NLGN1: variants seen among roughly 807,000 people sequenced by gnomAD.
The protein encoded by NLGN1 is neuroligin 1.
In NLGN1, 12 loss-of-function variants were observed where a neutral mutation model predicts 65.5. That is an observed-to-expected ratio of 0.18 (90% confidence interval 0.12 to 0.30). The LOEUF (loss-of-function observed/expected upper bound fraction) is 0.30, where lower values mean the gene tolerates loss of function less well. Ranked by LOEUF, NLGN1 falls within the 10% of genes least tolerant of loss-of-function variation. The probability of loss-of-function intolerance (pLI) is 1.00; values close to 1 mark genes in which losing one functional copy is unlikely to be tolerated. For synonymous variants in NLGN1, 350 were observed against 359.5 expected, an observed-to-expected ratio of 0.97 and a Z score of 0.30; for missense variants, 750 against 1,007.1, an observed-to-expected ratio of 0.74 and a Z score of 3.46.
intron 3 of NLGN1, among the ~76,000 whole-genome samples, chr3:173,780,894 C>A (rs921990007): frequency 1.4e-4 from 21 of 152,032 alleles, no homozygotes; most frequent in Non-Finnish European, 2.9e-4. Context: ...GTAATCCCAG[C>A]ACTTTGGGAG....
At chr3:173,400,638 C>T (rs1343497951) in intron 1 of NLGN1, among the ~76,000 whole-genome samples, 1 of 150,660 alleles carries the variant, frequency 6.6e-6, no homozygotes, top group Non-Finnish European at 1.5e-5. Flanking sequence ...ATGCTTCCTT[C>T]CTGTACCCTT....
intron 3 of NLGN1, among the ~76,000 whole-genome samples, chr3:173,686,048 T>C (rs1764639552): frequency 6.6e-6 from 1 of 152,162 alleles, no homozygotes; most frequent in Non-Finnish European, 1.5e-5. Context: ...CTAACAACTA[T>C]TTTTAAATTT....
intron 2 of NLGN1, among the ~76,000 whole-genome samples, chr3:173,577,734 C>A (rs1036641627): frequency 2.0e-5 from 3 of 152,140 alleles, no homozygotes; most frequent in Admixed American, 2.0e-4. Flanking sequence ...AAAACAAACT[C>A]TAAAACCAAA....
intron 4 of NLGN1, among the ~76,000 whole-genome samples, chr3:174,171,513 G>C (rs1217897833): frequency 6.6e-6 from 1 of 152,056 alleles, no homozygotes; most frequent in Non-Finnish European, 1.5e-5. Flanking sequence ...TTGTAAAATA[G>C]TTTCTACCCT....
chr3:174,039,429 C>G (rs763421921), intron 4 of NLGN1, among the ~76,000 whole-genome samples: 11 of 151,894 alleles, frequency 7.2e-5, no homozygotes, highest in Non-Finnish European at 1.3e-4. Context: ...CCCTTGCCCC[C>G]CATCCTCCGA....
intron 4 of NLGN1, among the ~76,000 whole-genome samples, chr3:173,932,080 A>G (rs1356461564): frequency 6.6e-6 from 1 of 152,056 alleles, no homozygotes; most frequent in Non-Finnish European, 1.5e-5. Flanking sequence ...GGTTTCCATT[A>G]CTGAAAGATA....
intron 4 of NLGN1, among the ~76,000 whole-genome samples, chr3:174,075,622 C>G (rs899434090): frequency 1.3e-5 from 2 of 152,092 alleles, no homozygotes; most frequent in African/African-American, 4.8e-5. Flanking sequence ...TTATATGACT[C>G]TTTTCAGTTT....
At chr3:173,539,795 T>TAAC (rs762360150) in intron 2 of NLGN1, among the ~76,000 whole-genome samples, 3,232 of 84,064 alleles carry the variant, frequency 0.038, 52 homozygotes, top group Middle Eastern at 0.098. Context: ...TGTACATATA[T>TAAC]ACATATATAT....
At chr3:174,052,750 C>T (rs139921722) in intron 4 of NLGN1, among the ~76,000 whole-genome samples, 2,248 of 152,088 alleles carry the variant, frequency 0.015, 22 homozygotes, top group Non-Finnish European at 0.024. Context: ...TTCTGTGTCA[C>T]TGACACTAAT....
chr3:173,451,363 T>C (rs369048033), intron 2 of NLGN1, among the ~76,000 whole-genome samples: 9 of 152,306 alleles, frequency 5.9e-5, no homozygotes, highest in African/African-American at 9.6e-5. Context: ...CAGCGGCGGC[T>C]GCAGAACAGT....
At chr3:173,670,320 T>C (rs761849511) in intron 3 of NLGN1, among the ~76,000 whole-genome samples, 3 of 152,196 alleles carry the variant, frequency 2.0e-5, no homozygotes, top group Non-Finnish European at 4.4e-5. Context: ...GAGAGTTAAC[T>C]TTAACCTCAC....
Position 174,280,414 on chromosome 3 carries a change from A to T in NLGN1, c.1650-67A>T. 9.4e-7 allele frequency: 1 copy of T among 1,066,948 alleles called. No homozygotes were observed. Among genetic ancestry groups the T allele is most frequent in the Non-Finnish European group, 1.4e-6 (1 of 735,928 alleles). The allele number at this position is 1,066,948 out of a possible 1,614,324, so 66.1% of individuals were successfully genotyped here. On this transcript the variant is annotated intron_variant, in intron 6 of 6. Transcript: ENST00000457714. The surrounding 1 kb of genome is among the most constrained non-coding windows in gnomAD (Gnocchi z 4.9). ...GTCATCTATTTAATTATTAGATGTTAAAGTAGTGTGATTTTAAGTAAAAAA... is the reference window on the plus strand; with the variant it reads ...GTCATCTATTTAATTATTAGATGTTTAAGTAGTGTGATTTTAAGTAAAAAA...
chr3:174,210,149 C>T (rs1736186684), intron 4 of NLGN1, among the ~76,000 whole-genome samples: 1 of 152,172 alleles, frequency 6.6e-6, no homozygotes, highest in African/African-American at 2.4e-5. Flanking sequence ...ATAAAATTCA[C>T]ATCATCTGTA....
intron 4 of NLGN1, among the ~76,000 whole-genome samples, chr3:173,935,620 ACACTCTCT>A (rs1279452221): frequency 2.7e-4 from 32 of 116,548 alleles, no homozygotes; most frequent in South Asian, 8.1e-4. Flanking sequence ...ACACACACAC[ACACTCTCT>A]CTCTCTCTCT....
At chr3:174,256,576 G>A (rs1349199037) in intron 4 of NLGN1, among the ~76,000 whole-genome samples, 4 of 151,808 alleles carry the variant, frequency 2.6e-5, no homozygotes, top group Non-Finnish European at 1.5e-5. Flanking sequence ...GCGGTGTGTT[G>A]GTACTTCTAT....
At chr3:173,668,011 G>A (rs191838589) in intron 3 of NLGN1, among the ~76,000 whole-genome samples, 89 of 152,206 alleles carry the variant, frequency 5.8e-4, no homozygotes, top group Non-Finnish European at 7.1e-4. Flanking sequence ...TCATTCATGC[G>A]TGTAATTCAC....
intron 4 of NLGN1, among the ~76,000 whole-genome samples, chr3:174,018,072 A>G (rs1376323525): frequency 6.6e-6 from 1 of 152,124 alleles, no homozygotes; most frequent in Non-Finnish European, 1.5e-5. Flanking sequence ...CTGGGAACGC[A>G]TTCTCTTTCT....
At chr3:173,592,510 A>G (rs1244005856) in intron 2 of NLGN1, among the ~76,000 whole-genome samples, 2 of 152,178 alleles carry the variant, frequency 1.3e-5, no homozygotes, top group African/African-American at 2.4e-5. Flanking sequence ...ACACGCCTAC[A>G]TGATGAGAAA....
At chr3:174,170,429 C>G (rs748096021) in intron 4 of NLGN1, among the ~76,000 whole-genome samples, 1 of 152,184 alleles carries the variant, frequency 6.6e-6, no homozygotes, top group African/African-American at 2.4e-5. Flanking sequence ...AATCCACCAG[C>G]AGGGATCCCT....
Sources: gnomAD v4.1 joint callset for allele counts (sites outside exome capture counted in the v4.1 genomes callset) on GRCh38, gnomAD v4.1.1 for gene constraint, Gnocchi (gnomAD v3.1) non-coding constraint, MANE v1.5 for transcripts, NCBI Gene and HGNC (gene_info 2026-07-23, HGNC 2026-07-21) for gene names.